Variants in HHAT observed in about 807,000 individuals in gnomAD.
HHAT encodes the protein protein-cysteine N-palmitoyltransferase HHAT.
HHAT carries 47 observed loss-of-function variants against 70.8 expected under a neutral mutation model. That is an observed-to-expected ratio of 0.66 (90% CI 0.53 to 0.85). The LOEUF is 0.85. Among genes scored for constraint, HHAT ranks in the 40% least tolerant of loss-of-function variants. The probability of loss-of-function intolerance (pLI) is 0.00; values close to 1 mark genes in which losing one functional copy is unlikely to be tolerated. For synonymous variants in HHAT, 228 were observed against 247.6 expected (o/e 0.92, Z 0.74); for missense variants, 609 against 604.8 (o/e 1.01, Z -0.07).
chr1:210,496,034 A>AAAAAAAAAAG (rs1558024204), intron 8 of HHAT, among the ~76,000 whole-genome samples: 4 of 149,250 alleles, frequency 2.7e-5, no homozygotes, highest in East Asian at 4.7e-4. Context: ...AAAAAAAGAA[A>AAAAAAAAAAG]AAGAAAATGG....
At chr1:210,637,052 G>T (rs1237309929) in intron 11 of HHAT, among the ~76,000 whole-genome samples, 1 of 152,140 alleles carries the variant, frequency 6.6e-6, no homozygotes, top group African/African-American at 2.4e-5. Flanking sequence ...CCTCGTAGGG[G>T]GTTGTAGAGA....
At chr1:210,437,788 T>C (rs1379509705) in intron 7 of HHAT, among the ~76,000 whole-genome samples, 1 of 151,866 alleles carries the variant, frequency 6.6e-6, no homozygotes, top group Admixed American at 6.5e-5. Flanking sequence ...CGTCTCCTTA[T>C]TAACATTTAT....
intron 8 of HHAT, among the ~76,000 whole-genome samples, chr1:210,498,794 C>T (rs1318577659): frequency 3.7e-5 from 5 of 135,084 alleles, no homozygotes; most frequent in Non-Finnish European, 6.2e-5. Context: ...TTTTTTGAGA[C>T]GGAGTCTCGC....
rs142400312 is a variant in HHAT, at chr1:210,560,714, C to T, written c.1044-27184C>T. On this transcript the variant is annotated intron_variant, in intron 9 of 11. Transcript: ENST00000261458. ...GTCCCAGTTACTCAGAATGCTGAGGCAAGAGGATGGATCACTTGAGATCAG... is the reference window on the plus strand; with the variant it reads ...GTCCCAGTTACTCAGAATGCTGAGGTAAGAGGATGGATCACTTGAGATCAG... 3.5e-5 allele frequency among the ~76,000 whole-genome samples: 5 copies of T among 144,830 alleles called. No individual in the cohort carries two copies. In the East Asian group the frequency reaches 1.0e-3, roughly 30 times the overall value.
rs192951988 is a variant in HHAT, at chr1:210,499,980, T to C, written c.1008-13173T>C. Among the ~76,000 whole-genome samples, 19 of 152,354 alleles carry C rather than the reference T, an allele frequency of 1.2e-4. No individual in the cohort carries two copies. The East Asian group carries it at 3.7e-3, about 29-fold the overall frequency. On this transcript the variant is annotated intron_variant, in intron 8 of 11. Transcript: ENST00000261458. Reference sequence around the variant, plus strand: ...ATTTTCAAAATTTGTAAGTATCATTTTTAGATATAATGACTGTTGTCTTTT... The same window carrying C: ...ATTTTCAAAATTTGTAAGTATCATTCTTAGATATAATGACTGTTGTCTTTT...
chr1:210,498,839 A>G (rs183301725), intron 8 of HHAT, among the ~76,000 whole-genome samples: 1 of 144,650 alleles, frequency 6.9e-6, no homozygotes, highest in African/African-American at 2.6e-5. Context: ...GTGCGATCTC[A>G]GCTCACTGCA....
chr1:210,328,825 C>G, upstream of HHAT: 1 of 400,192 alleles, frequency 2.5e-6, no homozygotes, highest in Non-Finnish European at 4.3e-6. Flanking sequence ...TCTGGCCCGC[C>G]CCCTGCAGCA....
chr1:210,588,098 T>C lies in HHAT; in HGVS notation c.1244T>C (p.Leu415Pro). 3 of 1,599,718 alleles carry C rather than the reference T, an allele frequency of 1.9e-6. No individual in the cohort carries two copies. The highest frequency in any genetic ancestry group is 1.7e-6 in the Non-Finnish European group (2 of 1,174,594). ...GAGACTCCCTGCATCCAGGACAGTCTGGTGAGCAGGATCCTTGCTGCTGTG... is the reference window on the plus strand; with the variant it reads ...GAGACTCCCTGCATCCAGGACAGTCCGGTGAGCAGGATCCTTGCTGCTGTG... ...LVETPCIQDSLARYFSPQARR... is the reference protein window; with the variant it reads ...LVETPCIQDSPARYFSPQARR... Residue 415 changes from leucine (L) to proline (P), a missense_variant and splice_region_variant, in exon 10 of 12, where the codon CTG becomes CCG. Coordinates refer to ENST00000261458, the MANE Select transcript of HHAT (RefSeq NM_018194.6).
chr1:210,421,440 T>C (rs574962627), intron 7 of HHAT, among the ~76,000 whole-genome samples: 1 of 152,284 alleles, frequency 6.6e-6, no homozygotes, highest in Admixed American at 6.5e-5. Context: ...TAAAGGACTT[T>C]GGTATATCAT....
At chr1:210,417,917 C>T (rs1202743704) in intron 6 of HHAT, among the ~76,000 whole-genome samples, 2 of 152,252 alleles carry the variant, frequency 1.3e-5, no homozygotes, top group Non-Finnish European at 2.9e-5. Flanking sequence ...GTCTTTGGCT[C>T]TTGGCACTAG....
intron 11 of HHAT, among the ~76,000 whole-genome samples, chr1:210,660,491 A>G (rs1172018861): frequency 6.6e-6 from 1 of 152,238 alleles, no homozygotes; most frequent in Non-Finnish European, 1.5e-5. Flanking sequence ...CATACTGCCC[A>G]AGGTAATTTA....
intron 8 of HHAT, among the ~76,000 whole-genome samples, chr1:210,493,863 G>A (rs2094589575): frequency 6.6e-6 from 1 of 152,120 alleles, no homozygotes; most frequent in African/African-American, 2.4e-5. Flanking sequence ...ACCTCAAATG[G>A]TATTCTTTCA....
At chr1:210,563,544 C>G (rs1250832947) in intron 9 of HHAT, among the ~76,000 whole-genome samples, 1 of 152,140 alleles carries the variant, frequency 6.6e-6, no homozygotes, top group Non-Finnish European at 1.5e-5. Context: ...CACAAGGGCA[C>G]TCTTGCACAG....
chr1:210,645,637 G>C (rs986729374), intron 11 of HHAT, among the ~76,000 whole-genome samples: 5 of 152,202 alleles, frequency 3.3e-5, no homozygotes, highest in African/African-American at 1.2e-4. Flanking sequence ...TTCGCACTGC[G>C]AGGTGTATGC....
At chr1:210,558,508 T>A (rs1179090330) in intron 9 of HHAT, among the ~76,000 whole-genome samples, 1 of 152,136 alleles carries the variant, frequency 6.6e-6, no homozygotes, top group Non-Finnish European at 1.5e-5. Flanking sequence ...GCTTGAGCAG[T>A]TTGTAATGAT....
chr1:210,336,928 A>G (rs1379883750), intron 1 of HHAT, among the ~76,000 whole-genome samples: 1 of 152,260 alleles, frequency 6.6e-6, no homozygotes, highest in Non-Finnish European at 1.5e-5. Context: ...TGGTGGGCAC[A>G]AGCCTTGCTG....
chr1:210,579,296 A>AG (rs1658650159), intron 9 of HHAT, among the ~76,000 whole-genome samples: 1 of 152,196 alleles, frequency 6.6e-6, no homozygotes, highest in South Asian at 2.1e-4. Context: ...AGGTTAAAAA[A>AG]TAGTCAAACT....
intron 1 of HHAT, among the ~76,000 whole-genome samples, chr1:210,340,242 G>GGAA (rs1553313987): frequency 2.0e-5 from 2 of 99,784 alleles, no homozygotes; most frequent in African/African-American, 3.4e-5. Context: ...CTCTGTCTCA[G>GGAA]AAAAAAAAAA....
intron 7 of HHAT, among the ~76,000 whole-genome samples, chr1:210,458,285 T>C (rs1458188502): frequency 6.6e-6 from 1 of 152,192 alleles, no homozygotes; most frequent in Admixed American, 6.5e-5. Flanking sequence ...ATAATATACA[T>C]GAAAGTGCAT....
Sources: allele counts gnomAD v4.1 joint callset (sites outside exome capture counted in the v4.1 genomes callset), GRCh38; gene constraint gnomAD v4.1.1; transcripts MANE v1.5; gene names NCBI Gene and HGNC (gene_info 2026-07-23, HGNC 2026-07-21).